PABPC4L: variants seen among roughly 807,000 people sequenced by gnomAD.
PABPC4L encodes the protein poly(A) binding protein cytoplasmic 4 like.
For missense variants in PABPC4L, 452 were observed against 451.4 expected, an observed-to-expected ratio of 1.00 and a Z score of -0.01; for synonymous variants, 169 against 164.1, an observed-to-expected ratio of 1.03 and a Z score of -0.23.
chr4:134,006,663 G>GA, the PABPC4L span, among the ~76,000 whole-genome samples: 14 of 151,912 alleles, frequency 9.2e-5, no homozygotes, highest in East Asian at 2.7e-3. Flanking sequence ...GGCTTCTCTG[G>GA]AAAAAGTATG....
the PABPC4L span, among the ~76,000 whole-genome samples, chr4:134,188,765 A>G: frequency 6.6e-6 from 1 of 152,022 alleles, no homozygotes; most frequent in African/African-American, 2.4e-5. Context: ...TTTGAATATG[A>G]TACTTCCAGG....
the PABPC4L span, among the ~76,000 whole-genome samples, chr4:134,043,021 C>G: frequency 6.6e-6 from 1 of 152,048 alleles, no homozygotes. Context: ...GCATAGATTA[C>G]TTTGAAATCT....
the PABPC4L span, among the ~76,000 whole-genome samples, chr4:134,050,316 G>T: frequency 6.6e-6 from 1 of 152,076 alleles, no homozygotes; most frequent in Non-Finnish European, 1.5e-5. Flanking sequence ...ATTATGCCTT[G>T]CTGTTTCTCA....
the PABPC4L span, among the ~76,000 whole-genome samples, chr4:133,993,560 G>A: frequency 1.3e-5 from 2 of 152,180 alleles, no homozygotes; most frequent in African/African-American, 4.8e-5. Context: ...AGTAACATCT[G>A]TTTGCCATAA....
chr4:134,080,893 A>G, the PABPC4L span, among the ~76,000 whole-genome samples: 1 of 152,188 alleles, frequency 6.6e-6, no homozygotes, highest in East Asian at 1.9e-4. Flanking sequence ...ACTAACACAC[A>G]GTGTATCATA....
the PABPC4L span, among the ~76,000 whole-genome samples, chr4:134,029,225 C>A: frequency 4.8e-3 from 723 of 152,128 alleles, 9 homozygotes; most frequent in African/African-American, 0.017. Context: ...CCAGCAGGAT[C>A]CGGGAGGACG....
the PABPC4L span, among the ~76,000 whole-genome samples, chr4:134,089,762 G>C: frequency 1.3e-5 from 2 of 151,804 alleles, no homozygotes; most frequent in Non-Finnish European, 2.9e-5. Flanking sequence ...CTTTATATGT[G>C]GGTTCCATAG....
chr4:133,985,649 G>C, the PABPC4L span, among the ~76,000 whole-genome samples: 4 of 151,928 alleles, frequency 2.6e-5, no homozygotes, highest in African/African-American at 9.7e-5. Flanking sequence ...CAATTATAAT[G>C]ATTTTAATAG....
the PABPC4L span, among the ~76,000 whole-genome samples, chr4:134,000,512 T>G: frequency 6.6e-6 from 1 of 152,270 alleles, no homozygotes; most frequent in East Asian, 1.9e-4. Context: ...AAAATTGGTT[T>G]TAATCTTAAC....
chr4:134,165,208 T>C, the PABPC4L span, among the ~76,000 whole-genome samples: 11 of 152,208 alleles, frequency 7.2e-5, no homozygotes, highest in South Asian at 2.1e-4. Flanking sequence ...ATAAACTCTT[T>C]TGGACATTGG....
At chr4:134,018,642 T>G in the PABPC4L span, among the ~76,000 whole-genome samples, 1 of 152,176 alleles carries the variant, frequency 6.6e-6, no homozygotes, top group Non-Finnish European at 1.5e-5. Context: ...TTTCTTTCTC[T>G]TTTGCCAGGT....
chr4:134,194,885 A>G (rs984827195), downstream of PABPC4L, among the ~76,000 whole-genome samples: 2 of 151,780 alleles, frequency 1.3e-5, no homozygotes, highest in Non-Finnish European at 3.0e-5. Flanking sequence ...GTAAATATTT[A>G]TACCTGATTT....
chr4:134,066,655 A>G, the PABPC4L span, among the ~76,000 whole-genome samples: 1 of 152,128 alleles, frequency 6.6e-6, no homozygotes, highest in African/African-American at 2.4e-5. Context: ...TTGCCCGTAC[A>G]GTATGATGTT....
At chr4:134,168,634 T>A in the PABPC4L span, among the ~76,000 whole-genome samples, 1 of 151,912 alleles carries the variant, frequency 6.6e-6, no homozygotes, top group Non-Finnish European at 1.5e-5. Flanking sequence ...AAAACTATTA[T>A]GAGCAACTAT....
At chr4:134,186,268 G>A in the PABPC4L span, among the ~76,000 whole-genome samples, 5 of 151,934 alleles carry the variant, frequency 3.3e-5, no homozygotes, top group African/African-American at 1.2e-4. Context: ...GAGGCATCAT[G>A]CTGCTACCTG....
chr4:133,971,205 T>C, the PABPC4L span, among the ~76,000 whole-genome samples: 80 of 144,420 alleles, frequency 5.5e-4, no homozygotes, highest in African/African-American at 1.9e-3. Flanking sequence ...CTCCGCCTCC[T>C]GGGTTCACGC....
At chr4:133,971,001 C>A in the PABPC4L span, among the ~76,000 whole-genome samples, 5 of 152,124 alleles carry the variant, frequency 3.3e-5, no homozygotes, top group East Asian at 9.7e-4. Flanking sequence ...CTAAGACAAT[C>A]CCCATCCATC....
chr4:134,041,714 T>C, the PABPC4L span, among the ~76,000 whole-genome samples: 1 of 150,830 alleles, frequency 6.6e-6, no homozygotes, highest in African/African-American at 2.4e-5. Flanking sequence ...ATAGTATAAT[T>C]AAAAAAAAAG....
At chr4:134,099,485 C>T in the PABPC4L span, among the ~76,000 whole-genome samples, 1 of 151,664 alleles carries the variant, frequency 6.6e-6, no homozygotes, top group African/African-American at 2.4e-5. Context: ...AGTTATTTGG[C>T]CTCCGTACAA....
Sources: gnomAD v4.1 joint callset for allele counts (sites outside exome capture counted in the v4.1 genomes callset) on GRCh38, gnomAD v4.1.1 for gene constraint, MANE v1.5 for transcripts, NCBI Gene and HGNC (gene_info 2026-07-23, HGNC 2026-07-21) for gene names.